LHPP: variants seen among roughly 807,000 people sequenced by gnomAD.
LHPP encodes phospholysine phosphohistidine inorganic pyrophosphate phosphatase.
In LHPP, 24 loss-of-function variants were observed where a neutral mutation model predicts 30.3. That is an observed-to-expected ratio of 0.79 (90% CI 0.57 to 1.11). The LOEUF (loss-of-function observed/expected upper bound fraction) is 1.11, where lower values mean the gene tolerates loss of function less well. LHPP is among the 50% of genes most tolerant of loss of function. LHPP has a pLI of 0.00. For missense variants in LHPP, 356 were observed against 367.2 expected (o/e 0.97, Z 0.25); for synonymous variants, 150 against 157.1 (o/e 0.95, Z 0.34).
intron 6 of LHPP, among the ~76,000 whole-genome samples, chr10:124,584,392 G>A (rs550550513): frequency 1.3e-5 from 2 of 151,416 alleles, no homozygotes; most frequent in South Asian, 4.2e-4. Context: ...AAAAAGAACA[G>A]CAATTTATTT....
chr10:124,489,581 A>G (rs1953453787), intron 3 of LHPP, among the ~76,000 whole-genome samples: 2 of 151,952 alleles, frequency 1.3e-5, no homozygotes, highest in Admixed American at 6.6e-5. Flanking sequence ...CAGCCTCCTG[A>G]GTAGCTGGGA....
At position 124,507,060 on chromosome 10, in the gene LHPP, GTA is replaced by G. The variant is rs1491429946; in HGVS notation, c.624+8933_624+8934del. ...GAGGGGGGTAGGGAGGATTTCAGGT[GTA>G]GGGGTAGACAGGATTTCAGGTGGGG... On this transcript the variant is annotated intron_variant, in intron 5 of 6. Transcript: ENST00000368842. Among the ~76,000 whole-genome samples the G allele has an allele frequency of 8.0e-4, 15 of 18,680 alleles. 1 individual carries two copies. The highest frequency in any genetic ancestry group is 1.1e-3 in the Non-Finnish European group (11 of 10,440). 12.3% of individuals were successfully genotyped at this position (18,680 alleles called of 152,430 possible).
At chr10:124,519,989 C>T (rs555237599) in intron 6 of LHPP, among the ~76,000 whole-genome samples, 6 of 152,190 alleles carry the variant, frequency 3.9e-5, no homozygotes, top group South Asian at 2.1e-4. Flanking sequence ...CCCACCACCA[C>T]GCCCGGCTAA....
In LHPP at chr10:124,510,153, C is replaced by A. The variant is rs1371846110; in HGVS notation, c.625-7027C>A. On this transcript the variant is annotated intron_variant, in intron 5 of 6. Coordinates refer to ENST00000368842, the MANE Select transcript of LHPP (RefSeq NM_022126.4). This position sits in a 1 kb window ranked among gnomAD's most constrained non-coding sequence, Gnocchi z 4.0. The stretch of plus-strand genomic sequence containing the variant: ...ATGTCGTGTCTGAAAGGAAGCGAAG[C>A]CCAGCCCTGGCAGGTGGAGTATTTT... Among the ~76,000 whole-genome samples, 1 of 152,184 alleles carries A rather than the reference C, an allele frequency of 6.6e-6. No individual in the cohort carries two copies. Among genetic ancestry groups the A allele is most frequent in the Non-Finnish European group, 1.5e-5 (1 of 68,022 alleles).
At chr10:124,606,884 GC>G (rs1383523676) in intron 6 of LHPP, among the ~76,000 whole-genome samples, 1 of 152,228 alleles carries the variant, frequency 6.6e-6, no homozygotes, top group Non-Finnish European at 1.5e-5. Context: ...ACAGGCCCCT[GC>G]CCCTGTTCCT....
chr10:124,549,683 G>A (rs967172278), intron 6 of LHPP, among the ~76,000 whole-genome samples: 1 of 152,192 alleles, frequency 6.6e-6, no homozygotes, highest in East Asian at 1.9e-4. Context: ...TTTGCAGGAC[G>A]GGACCTTACA....
intron 2 of LHPP, 38 bp downstream of exon 2, chr10:124,484,364 A>G (rs1217586858): frequency 6.3e-7 from 1 of 1,581,986 alleles, no homozygotes; most frequent in Non-Finnish European, 8.7e-7. Context: ...CGGGGGTGAA[A>G]GCTCCCCTTT....
intron 6 of LHPP, among the ~76,000 whole-genome samples, chr10:124,571,200 T>C (rs1252798302): frequency 6.6e-6 from 1 of 152,246 alleles, no homozygotes; most frequent in Non-Finnish European, 1.5e-5. Flanking sequence ...CTGGTATGTC[T>C]TTATCAGCAG....
At chr10:124,507,852 G>T (rs1326031412) in intron 5 of LHPP, among the ~76,000 whole-genome samples, 1 of 103,654 alleles carries the variant, frequency 9.6e-6, no homozygotes, top group Non-Finnish European at 2.0e-5. Context: ...AGGTGGGGGG[G>T]TAGGGAGGAT....
chr10:124,485,288 C>T (rs1028870953), intron 2 of LHPP, among the ~76,000 whole-genome samples: 5 of 152,024 alleles, frequency 3.3e-5, no homozygotes, highest in African/African-American at 1.2e-4. Context: ...AAATATCTTG[C>T]CCCACCCTCC....
intron 2 of LHPP, among the ~76,000 whole-genome samples, chr10:124,487,982 G>A (rs1388298559): frequency 2.0e-5 from 3 of 152,158 alleles, no homozygotes. Context: ...ATATGTGTGG[G>A]GTTGCCTGAA....
chr10:124,612,640 G>C (rs1467880023), intron 6 of LHPP, among the ~76,000 whole-genome samples: 1 of 152,188 alleles, frequency 6.6e-6, no homozygotes, highest in Non-Finnish European at 1.5e-5. Flanking sequence ...GAGATGCCTG[G>C]GGAATGGCTG....
intron 6 of LHPP, among the ~76,000 whole-genome samples, chr10:124,537,163 A>G (rs1045978653): frequency 1.3e-5 from 2 of 152,212 alleles, no homozygotes; most frequent in Admixed American, 1.3e-4. Context: ...AACCTGGTGC[A>G]CCCGGAGCCT....
chr10:124,464,124 A>T (rs193238842), intron 1 of LHPP, among the ~76,000 whole-genome samples: 2 of 152,248 alleles, frequency 1.3e-5, no homozygotes, highest in Non-Finnish European at 2.9e-5. Flanking sequence ...AGCCAGAAGG[A>T]CACTTTCAGT....
At chr10:124,508,702 G>C (rs530921564) in intron 5 of LHPP, among the ~76,000 whole-genome samples, 1 of 151,882 alleles carries the variant, frequency 6.6e-6, no homozygotes, top group Non-Finnish European at 1.5e-5. Flanking sequence ...ATTCAGGAAA[G>C]TACAAGAAGA....
At chr10:124,597,517 C>G (rs541434747) in intron 6 of LHPP, among the ~76,000 whole-genome samples, 2 of 152,350 alleles carry the variant, frequency 1.3e-5, no homozygotes, top group South Asian at 2.1e-4. Flanking sequence ...ACACTAGGCT[C>G]TAAGTAGTGG....
At chr10:124,530,899 A>G (rs545333641) in intron 6 of LHPP, among the ~76,000 whole-genome samples, 1 of 123,536 alleles carries the variant, frequency 8.1e-6, no homozygotes, top group African/African-American at 3.2e-5. Flanking sequence ...AGGTAGCCTC[A>G]TCAGCCTCAC....
At chr10:124,558,632 G>T (rs1486091789) in intron 6 of LHPP, among the ~76,000 whole-genome samples, 2 of 152,232 alleles carry the variant, frequency 1.3e-5, no homozygotes, top group Non-Finnish European at 2.9e-5. Flanking sequence ...GTGGGCAGGG[G>T]CACTCACCAT....
intron 6 of LHPP, among the ~76,000 whole-genome samples, chr10:124,522,016 A>C (rs1388662710): frequency 6.6e-6 from 1 of 152,110 alleles, no homozygotes; most frequent in African/African-American, 2.4e-5. Flanking sequence ...TTTTCATTAT[A>C]AAATGGCCCA....
Sources: allele counts gnomAD v4.1 joint callset (sites outside exome capture counted in the v4.1 genomes callset), GRCh38; gene constraint gnomAD v4.1.1; non-coding constraint Gnocchi (gnomAD v3.1); transcripts MANE v1.5; gene names NCBI Gene and HGNC (gene_info 2026-07-23, HGNC 2026-07-21).